The following APBB2 variants were observed in gnomAD, a reference collection of about 807,000 sequenced individuals.
APBB2 encodes Fe65-like 1.
Under a neutral mutation model 82.5 loss-of-function variants are expected in APBB2, and 38 were observed. The ratio of observed to expected loss-of-function variants is 0.46; its 90% CI spans 0.36 to 0.60. The LOEUF (loss-of-function observed/expected upper bound fraction) is 0.60, where lower values mean the gene tolerates loss of function less well. APBB2 is among the 20% of genes least tolerant of loss of function. The pLI, the probability that APBB2 is intolerant of heterozygous loss-of-function variation, is 0.00. For synonymous variants in APBB2, 341 were observed against 368.2 expected, an observed-to-expected ratio of 0.93 and a Z score of 0.85; for missense variants, 772 against 972.3, an observed-to-expected ratio of 0.79 and a Z score of 2.74.
intron 12 of APBB2, among the ~76,000 whole-genome samples, chr4:40,873,101 A>T (rs1263730730): frequency 2.6e-5 from 4 of 151,584 alleles, no homozygotes; most frequent in Non-Finnish European, 5.9e-5. Flanking sequence ...AAAAAAAAAA[A>T]AAAGATGGTA....
At chr4:40,927,281 G>T (rs6820722) in intron 10 of APBB2, among the ~76,000 whole-genome samples, 16,137 of 152,094 alleles carry the variant, frequency 0.11, 945 homozygotes, top group African/African-American at 0.16. Context: ...TGAAAATGAC[G>T]TGTTATACAC....
intron 2 of APBB2, among the ~76,000 whole-genome samples, chr4:41,117,537 C>T (rs1034991288): frequency 4.6e-5 from 7 of 152,058 alleles, no homozygotes; most frequent in African/African-American, 9.7e-5. Flanking sequence ...GTGATCCACC[C>T]GCCTTGGCCT....
chr4:41,012,151 G>C (rs559368422), intron 6 of APBB2, among the ~76,000 whole-genome samples: 1 of 152,208 alleles, frequency 6.6e-6, no homozygotes, highest in Non-Finnish European at 1.5e-5. Context: ...CACTGTGCCT[G>C]AACAAAACTT....
At chr4:41,147,747 T>C (rs917766553) in intron 1 of APBB2, among the ~76,000 whole-genome samples, 1 of 151,918 alleles carries the variant, frequency 6.6e-6, no homozygotes, top group African/African-American at 2.4e-5. Flanking sequence ...ACTCAGACTT[T>C]TTTGTTTTTA....
intron 2 of APBB2, 95 bp from the exon 3 acceptor site, chr4:41,100,845 C>T (rs1258697774): frequency 6.6e-6 from 1 of 152,116 alleles, no homozygotes; most frequent in Non-Finnish European, 1.5e-5. Context: ...ATCTCTGCAT[C>T]AACAAAATAA....
intron 6 of APBB2, among the ~76,000 whole-genome samples, chr4:40,997,859 T>C (rs1349934955): frequency 6.6e-6 from 1 of 152,240 alleles, no homozygotes; most frequent in African/African-American, 2.4e-5. Context: ...CAAAGTATTA[T>C]GTTTTTAATG....
At chr4:41,062,300 G>T (rs12650957) in intron 4 of APBB2, among the ~76,000 whole-genome samples, 30,906 of 151,758 alleles carry the variant, frequency 0.2, 4,126 homozygotes, top group East Asian at 0.54. Context: ...AGCCTCTCTC[G>T]TAGCTGGCAT....
intron 1 of APBB2, among the ~76,000 whole-genome samples, chr4:41,162,033 C>T (rs1205348221): frequency 6.6e-6 from 1 of 152,104 alleles, no homozygotes; most frequent in Admixed American, 6.5e-5. Flanking sequence ...AAATTCCAGG[C>T]ATCACACATC....
chr4:40,856,909 C>T (rs1761390074), intron 12 of APBB2: 1 of 975,110 alleles, frequency 1.0e-6, no homozygotes, highest in African/African-American at 1.8e-5. Flanking sequence ...CAGCCTTTGT[C>T]CCGCAGGTCT....
At chr4:40,824,980 T>C (rs1749392135) in intron 15 of APBB2, among the ~76,000 whole-genome samples, 1 of 152,208 alleles carries the variant, frequency 6.6e-6, no homozygotes, top group African/African-American at 2.4e-5. Context: ...TGCAGTCTTT[T>C]GGGACTGACT....
rs147407728 is a variant in APBB2 at position 41,143,344 on chromosome 4, T to C, written c.-416-202A>G. ...GAGGATTGAAATATTTAATCATTTATTGAAAAGGTTTGGCCTAGTGATTAT... is the reference window on the plus strand; with the variant it reads ...GAGGATTGAAATATTTAATCATTTACTGAAAAGGTTTGGCCTAGTGATTAT... On this transcript the variant is annotated intron_variant, in intron 1 of 17. Transcript: ENST00000508593. 2.9e-3 allele frequency among the ~76,000 whole-genome samples: 444 copies of C among 152,320 alleles called. 4 individuals carry two copies. Among genetic ancestry groups the C allele is most frequent in the African/African-American group, 0.01 (429 of 41,574 alleles).
At chr4:41,169,466 A>G (rs1767653661) in intron 1 of APBB2, among the ~76,000 whole-genome samples, 1 of 152,188 alleles carries the variant, frequency 6.6e-6, no homozygotes, top group Non-Finnish European at 1.5e-5. Flanking sequence ...CCATGCAAAC[A>G]TTTCTTTGTT....
At chr4:41,005,980 T>C (rs1052813699) in intron 6 of APBB2, among the ~76,000 whole-genome samples, 1 of 152,206 alleles carries the variant, frequency 6.6e-6, no homozygotes, top group Non-Finnish European at 1.5e-5. Flanking sequence ...CTTGAATACA[T>C]CTGCTGTCTT....
At chr4:40,870,713 G>A (rs1898030) in intron 12 of APBB2, among the ~76,000 whole-genome samples, 20,790 of 151,044 alleles carry the variant, frequency 0.14, 1,776 homozygotes, top group Non-Finnish European at 0.2. Context: ...ACATATATGT[G>A]TGTGTGTGTG....
At chr4:40,851,739 T>TA (rs57639176) in intron 12 of APBB2, among the ~76,000 whole-genome samples, 8,506 of 31,430 alleles carry the variant, frequency 0.27, 336 homozygotes, top group East Asian at 0.42. Context: ...TATATATATA[T>TA]TTTTTTTTTT....
At chr4:40,928,279 A>G (rs28585077) in intron 10 of APBB2, among the ~76,000 whole-genome samples, 6,080 of 152,286 alleles carry the variant, frequency 0.04, 397 homozygotes, top group African/African-American at 0.14. Flanking sequence ...GCAGTGGCTC[A>G]TGCCTGTAAT....
chr4:41,208,510 C>T (rs1347420307), intron 1 of APBB2, among the ~76,000 whole-genome samples: 1 of 152,158 alleles, frequency 6.6e-6, no homozygotes, highest in African/African-American at 2.4e-5. Context: ...GAGCCACCTG[C>T]CTTGGCCTCC....
chr4:40,847,649 G>A (rs1172105021), intron 12 of APBB2, among the ~76,000 whole-genome samples: 2 of 152,124 alleles, frequency 1.3e-5, no homozygotes, highest in Non-Finnish European at 2.9e-5. Context: ...AAACCACGGT[G>A]AGCACCCAGC....
At chr4:41,195,567 C>T in intron 1 of APBB2, among the ~76,000 whole-genome samples, 1 of 152,222 alleles carries the variant, frequency 6.6e-6, no homozygotes, top group Non-Finnish European at 1.5e-5. Flanking sequence ...AAAGTCTGTT[C>T]TCACCACAGC....
Sources: allele counts gnomAD v4.1 joint callset (sites outside exome capture counted in the v4.1 genomes callset), GRCh38; gene constraint gnomAD v4.1.1; transcripts MANE v1.5; gene names NCBI Gene and HGNC (gene_info 2026-07-23, HGNC 2026-07-21).